Variants in CADM1 observed in about 807,000 individuals in gnomAD.
CADM1 encodes TSLC-1.
Under a neutral mutation model 53.1 loss-of-function variants are expected in CADM1, and 15 were observed. The observed-to-expected ratio is 0.28, with a 90% CI of 0.19 to 0.44. The LOEUF is 0.44. Ranked by LOEUF, CADM1 falls within the 20% of genes least tolerant of loss-of-function variation. CADM1 has a pLI of 1.00. For missense variants in CADM1, 434 were observed against 611.3 expected (o/e 0.71, Z 3.06); for synonymous variants, 281 against 243.0 (o/e 1.16, Z -1.45).
intron 1 of CADM1, among the ~76,000 whole-genome samples, chr11:115,275,310 G>A (rs969570798): frequency 1.3e-5 from 2 of 152,066 alleles, no homozygotes; most frequent in South Asian, 2.1e-4. Context: ...CTCAGTGCAG[G>A]TGCGATTTCC....
At chr11:115,336,252 C>A (rs1945264484) in intron 1 of CADM1, among the ~76,000 whole-genome samples, 1 of 152,114 alleles carries the variant, frequency 6.6e-6, no homozygotes, top group Non-Finnish European at 1.5e-5. Flanking sequence ...ACTTTCCCCA[C>A]CATTGCTTTT....
chr11:115,322,851 T>C (rs1565364634), intron 1 of CADM1, among the ~76,000 whole-genome samples: 1 of 152,170 alleles, frequency 6.6e-6, no homozygotes, highest in Non-Finnish European at 1.5e-5. Context: ...TTATGAATCA[T>C]CCCTGCTTAA....
intron 1 of CADM1, among the ~76,000 whole-genome samples, chr11:115,428,459 T>A (rs1237472099): frequency 6.6e-6 from 1 of 152,028 alleles, no homozygotes; most frequent in East Asian, 1.9e-4. Context: ...AGTCCTTGCA[T>A]CTGGTGAATT....
At position 115,337,243 on chromosome 11, in the gene CADM1, T is replaced by G. The variant is rs188055691; in HGVS notation, c.125-96823A>C. Among the ~76,000 whole-genome samples the G allele has an allele frequency of 2.0e-3, 305 of 152,318 alleles. 1 individual carries two copies. Among genetic ancestry groups the G allele is most frequent in the Non-Finnish European group, 3.4e-3 (229 of 68,020 alleles). ...GTTCTCCAGTTCCTTAGCTTCTGAC[T>G]GAGATTTAGCTGGCATTATCAGTGC... On this transcript the variant is annotated intron_variant, in intron 1 of 11. Coordinates refer to ENST00000331581, the MANE Select transcript of CADM1 (RefSeq NM_001301043.2).
chr11:115,319,724 T>G (rs142636172), intron 1 of CADM1, among the ~76,000 whole-genome samples: 1 of 152,164 alleles, frequency 6.6e-6, no homozygotes, highest in Admixed American at 6.5e-5. Context: ...AGGTACAGAT[T>G]GTCAATTATT....
intron 1 of CADM1, among the ~76,000 whole-genome samples, chr11:115,365,462 T>C (rs1250059256): frequency 6.6e-6 from 1 of 152,132 alleles, no homozygotes; most frequent in Non-Finnish European, 1.5e-5. Flanking sequence ...TTGAAAATCA[T>C]AAAGATTAGC....
chr11:115,276,896 T>C (rs187633851), intron 1 of CADM1, among the ~76,000 whole-genome samples: 1,561 of 146,260 alleles, frequency 0.011, 28 homozygotes, highest in African/African-American at 0.031. Context: ...ATCTGTCCCC[T>C]GTTTCTTCCC....
chr11:115,186,497 C>G (rs985754827), intron 10 of CADM1, among the ~76,000 whole-genome samples: 1 of 152,148 alleles, frequency 6.6e-6, no homozygotes, highest in Non-Finnish European at 1.5e-5. Context: ...ACACAGGAAG[C>G]TGTGGATTTC....
chr11:115,322,918 C>T (rs1944861486), intron 1 of CADM1, among the ~76,000 whole-genome samples: 2 of 152,150 alleles, frequency 1.3e-5, no homozygotes, highest in South Asian at 4.1e-4. Context: ...ATGTTTTGCA[C>T]AGACACGTTT....
chr11:115,354,204 C>A (rs1945806215), intron 1 of CADM1, among the ~76,000 whole-genome samples: 1 of 152,120 alleles, frequency 6.6e-6, no homozygotes, highest in Non-Finnish European at 1.5e-5. Flanking sequence ...CTATCATTTA[C>A]TAAGGACCTA....
chr11:115,298,008 C>T (rs1461818250), intron 1 of CADM1, among the ~76,000 whole-genome samples: 2 of 152,192 alleles, frequency 1.3e-5, no homozygotes, highest in African/African-American at 4.8e-5. Context: ...AGAGTGGATT[C>T]TCTCATCACA....
At chr11:115,360,114 T>C (rs565836661) in intron 1 of CADM1, among the ~76,000 whole-genome samples, 2 of 152,284 alleles carry the variant, frequency 1.3e-5, no homozygotes, top group South Asian at 4.2e-4. Context: ...AATAAAATAA[T>C]ATACCTGCTA....
intron 7 of CADM1, among the ~76,000 whole-genome samples, chr11:115,214,059 AAC>A (rs1491413108): frequency 6.2e-5 from 8 of 129,200 alleles, no homozygotes; most frequent in African/African-American, 1.2e-4. Context: ...ATATTAAAAA[AAC>A]AGACACATTT....
intron 1 of CADM1, among the ~76,000 whole-genome samples, chr11:115,471,149 G>A (rs1949002382): frequency 6.6e-6 from 1 of 152,172 alleles, no homozygotes; most frequent in African/African-American, 2.4e-5. Flanking sequence ...TGTGTTGACA[G>A]TTAAATTTTT....
intron 1 of CADM1, among the ~76,000 whole-genome samples, chr11:115,259,737 T>C (rs1461169178): frequency 6.6e-6 from 1 of 151,456 alleles, no homozygotes; most frequent in Admixed American, 6.6e-5. Context: ...AAGAAGGAGC[T>C]TTCCTCCAAA....
At chr11:115,179,718 T>C (rs975134491) in intron 10 of CADM1, among the ~76,000 whole-genome samples, 3 of 152,212 alleles carry the variant, frequency 2.0e-5, no homozygotes, top group Admixed American at 6.5e-5. Flanking sequence ...AGCTAAACCA[T>C]TGTCTTTTTT....
intron 1 of CADM1, among the ~76,000 whole-genome samples, chr11:115,332,493 T>C (rs973999790): frequency 5.3e-5 from 8 of 152,124 alleles, no homozygotes; most frequent in African/African-American, 1.9e-4. Context: ...GGATTCTGCA[T>C]TGAATCACTG....
intron 1 of CADM1, among the ~76,000 whole-genome samples, chr11:115,474,259 C>G (rs944489708): frequency 2.8e-5 from 4 of 141,300 alleles, no homozygotes; most frequent in Non-Finnish European, 6.0e-5. Flanking sequence ...CCACTGCACT[C>G]CAGCCTGGGT....
At chr11:115,492,286 A>G (rs2135429501) in intron 1 of CADM1, among the ~76,000 whole-genome samples, 1 of 152,274 alleles carries the variant, frequency 6.6e-6, no homozygotes, top group East Asian at 1.9e-4. Context: ...TTTCAAAAGG[A>G]AAAATTGAAA....
Sources: allele counts gnomAD v4.1 joint callset (sites outside exome capture counted in the v4.1 genomes callset), GRCh38; gene constraint gnomAD v4.1.1; transcripts MANE v1.5; gene names NCBI Gene and HGNC (gene_info 2026-07-23, HGNC 2026-07-21).